ATXN7L1: variants seen among roughly 807,000 people sequenced by gnomAD.
ATXN7L1 encodes the protein ataxin 7 like 1.
In ATXN7L1, 15 loss-of-function variants were observed where a neutral mutation model predicts 70.8. The ratio of observed to expected loss-of-function variants is 0.21; its 90% CI spans 0.14 to 0.33. ATXN7L1 has a LOEUF of 0.33. Among genes scored for constraint, ATXN7L1 ranks in the 10% least tolerant of loss-of-function variants. The pLI is 1.00. For missense variants in ATXN7L1, 975 were observed against 1,097.1 expected, an observed-to-expected ratio of 0.89 and a Z score of 1.57; for synonymous variants, 440 against 445.1, an observed-to-expected ratio of 0.99 and a Z score of 0.14.
chr7:105,638,231 G>T, intron 7 of ATXN7L1, 122 bp downstream of exon 7: 3 of 1,287,344 alleles, frequency 2.3e-6, no homozygotes, highest in Non-Finnish European at 3.1e-6. Flanking sequence ...TTTACTACTT[G>T]CCTTAGGAAG....
chr7:105,836,038 A>G (rs778978098), intron 2 of ATXN7L1, among the ~76,000 whole-genome samples: 14 of 152,196 alleles, frequency 9.2e-5, no homozygotes, highest in Non-Finnish European at 1.9e-4. Flanking sequence ...GAAATGTCCA[A>G]TTTATCCAGG....
At chr7:105,780,464 G>A (rs1366315682) in intron 3 of ATXN7L1, among the ~76,000 whole-genome samples, 1 of 151,852 alleles carries the variant, frequency 6.6e-6, no homozygotes, top group African/African-American at 2.4e-5. Context: ...ATCAGAAAAG[G>A]GAATAAAAAG....
At chr7:105,773,246 C>T (rs563664195) in intron 3 of ATXN7L1, among the ~76,000 whole-genome samples, 7 of 152,270 alleles carry the variant, frequency 4.6e-5, no homozygotes, top group Admixed American at 4.6e-4. Flanking sequence ...TTGAACTAAA[C>T]TCTAAGCCAA....
At chr7:105,657,355 A>C (rs1475376314) in intron 4 of ATXN7L1, among the ~76,000 whole-genome samples, 1 of 152,296 alleles carries the variant, frequency 6.6e-6, no homozygotes, top group East Asian at 1.9e-4. Context: ...ACCCAGGGTC[A>C]GTGGCCTATG....
Position 105,704,348 on chromosome 7 carries a change from TG to T in ATXN7L1, c.356-39061del, listed in dbSNP as rs142679446. Among the ~76,000 whole-genome samples, 451 of 152,344 alleles carry T rather than the reference TG, an allele frequency of 3.0e-3. 10 individuals are homozygous for T. The East Asian group carries it at 0.06, about 20-fold the overall frequency. ...GAAAGAATTTTGTCATTTCTAGATCTGGCTTATTAACTGTAATCTGTGATTG... is the reference window on the plus strand; with the variant it reads ...GAAAGAATTTTGTCATTTCTAGATCTGCTTATTAACTGTAATCTGTGATTG... On this transcript the variant is annotated intron_variant, in intron 3 of 11. Coordinates refer to ENST00000419735, the MANE Select transcript of ATXN7L1 (RefSeq NM_020725.2).
chr7:105,645,654 A>AG (rs1459654431), intron 4 of ATXN7L1, among the ~76,000 whole-genome samples: 1 of 151,738 alleles, frequency 6.6e-6, no homozygotes, highest in South Asian at 2.1e-4. Context: ...AAAAAAAAAA[A>AG]AAAGAAAAAT....
intron 3 of ATXN7L1, among the ~76,000 whole-genome samples, chr7:105,760,024 G>T (rs1243260813): frequency 2.0e-5 from 3 of 152,094 alleles, no homozygotes; most frequent in African/African-American, 7.2e-5. Context: ...TCTCCTGCCT[G>T]CTCTACTGCA....
intron 3 of ATXN7L1, among the ~76,000 whole-genome samples, chr7:105,781,124 A>G (rs1455971368): frequency 1.3e-5 from 2 of 152,198 alleles, no homozygotes; most frequent in African/African-American, 4.8e-5. Context: ...TCAACATCTT[A>G]TAGTAAGACA....
intron 3 of ATXN7L1, among the ~76,000 whole-genome samples, chr7:105,754,172 C>T (rs1799522438): frequency 1.3e-5 from 2 of 152,112 alleles, no homozygotes; most frequent in Admixed American, 6.5e-5. Flanking sequence ...GTTGATTTTC[C>T]TGTTGAGGAT....
At position 105,614,214 on chromosome 7, in the gene ATXN7L1, A is replaced by T. The variant is rs1793496648; in HGVS notation, c.2120T>A (p.Val707Glu). The stretch of plus-strand genomic sequence containing the variant: ...CTCCAGTTTGGCACTGAGTGGGCTC[A>T]CCCCATTGTTTGAGTTGTGCACAGA... ...SLSVHNSNNG[V>E]SPLSAKLEPS... is the part of the protein sequence containing the mutation. Residue 707 changes from valine to glutamate, a missense_variant, in exon 10 of 12, where the codon GTG (valine) becomes GAG (glutamate). By Grantham distance (121) the Val-to-Glu change is moderately radical (BLOSUM62 -2). This residue lies in a region of ATXN7L1 where 635 missense variants were observed against 699.4 expected (regional missense o/e 0.91). Transcript: ENST00000419735. The surrounding 1 kb of genome is among the most constrained non-coding windows in gnomAD (Gnocchi z 4.3). 3 of 1,551,572 alleles carry T rather than the reference A, an allele frequency of 1.9e-6. No homozygotes were observed. Among genetic ancestry groups the T allele is most frequent in the Non-Finnish European group, 2.6e-6 (3 of 1,146,992 alleles).
chr7:105,831,111 TG>T (rs1326184789), intron 2 of ATXN7L1, among the ~76,000 whole-genome samples: 1 of 152,194 alleles, frequency 6.6e-6, no homozygotes, highest in African/African-American at 2.4e-5. Context: ...TTACCGTAGA[TG>T]GGGTGACTGG....
At position 105,665,140 on chromosome 7, in the gene ATXN7L1, G is replaced by A; in HGVS notation, c.504C>T (p.Pro168=). Residue 168 remains proline, a synonymous_variant, in exon 4 of 12, where the codon CCC becomes CCT. Coordinates refer to ENST00000419735, the MANE Select transcript of ATXN7L1 (RefSeq NM_020725.2). ...ASSTSKPFKT[P]KDNLLTSSSK... ...TGCTGGAGGTAAGTAGATTGTCTTT[G>A]GGCGTTTTGAATGGCTTTGAGGTGC... The A allele has an allele frequency of 1.3e-6, 2 of 1,551,700 alleles. No individual in the cohort carries two copies. Among genetic ancestry groups the A allele is most frequent in the African/African-American group, 2.7e-5 (2 of 73,168 alleles).
chr7:105,799,463 G>A (rs554849156), intron 2 of ATXN7L1, among the ~76,000 whole-genome samples: 3 of 119,930 alleles, frequency 2.5e-5, no homozygotes, highest in East Asian at 2.8e-4. Context: ...GCAATCCCAC[G>A]GCTGATGGTC....
chr7:105,629,014 G>A (rs774038385), intron 7 of ATXN7L1, among the ~76,000 whole-genome samples: 5 of 151,368 alleles, frequency 3.3e-5, no homozygotes, highest in Non-Finnish European at 5.9e-5. Flanking sequence ...TGCCTCCCAA[G>A]CTGGAGTGCA....
intron 3 of ATXN7L1, among the ~76,000 whole-genome samples, chr7:105,775,826 A>T (rs1802646776): frequency 6.6e-6 from 1 of 152,132 alleles, no homozygotes; most frequent in African/African-American, 2.4e-5. Flanking sequence ...CTGAATTTGG[A>T]TGAGGGCGAT....
At chr7:105,772,063 AT>A (rs533366742) in intron 3 of ATXN7L1, among the ~76,000 whole-genome samples, 2,123 of 99,656 alleles carry the variant, frequency 0.021, 15 homozygotes, top group African/African-American at 0.092. Flanking sequence ...TCAGATTGGA[AT>A]TTTTTTTTTT....
chr7:105,687,498 T>G (rs978672196), intron 3 of ATXN7L1, among the ~76,000 whole-genome samples: 50 of 152,236 alleles, frequency 3.3e-4, no homozygotes, highest in African/African-American at 1.2e-3. Flanking sequence ...GTGGATCACA[T>G]GAAGAGGCGG....
chr7:105,812,671 T>A (rs772289793), intron 2 of ATXN7L1, among the ~76,000 whole-genome samples: 1 of 152,194 alleles, frequency 6.6e-6, no homozygotes, highest in Non-Finnish European at 1.5e-5. Context: ...GCACCCACTG[T>A]GGCATTGTTC....
chr7:105,857,426 T>C (rs755474409), intron 2 of ATXN7L1, among the ~76,000 whole-genome samples: 1 of 152,220 alleles, frequency 6.6e-6, no homozygotes. Flanking sequence ...GCAGGGCCAC[T>C]GTTCCACCTT....
Sources: allele counts gnomAD v4.1 joint callset (sites outside exome capture counted in the v4.1 genomes callset), GRCh38; gene constraint gnomAD v4.1.1; regional missense constraint gnomAD v4.1.1; non-coding constraint Gnocchi (gnomAD v3.1); transcripts MANE v1.5; gene names NCBI Gene and HGNC (gene_info 2026-07-23, HGNC 2026-07-21).